Variants in SLC16A9 observed in about 807,000 individuals in gnomAD.
SLC16A9 encodes the protein solute carrier family 16 member 9, also known as monocarboxylate transporter 9.
A neutral mutation model predicts 44.3 loss-of-function variants in SLC16A9; 26 were observed. The ratio of observed to expected loss-of-function variants is 0.59; its 90% CI spans 0.43 to 0.81. The LOEUF is 0.81. Among genes scored for constraint, SLC16A9 ranks in the 40% least tolerant of loss-of-function variants. SLC16A9 has a pLI of 0.00. For synonymous variants in SLC16A9, 230 were observed against 225.1 expected (o/e 1.02, Z -0.19); for missense variants, 559 against 595.8 (o/e 0.94, Z 0.64).
intron 2 of SLC16A9, among the ~76,000 whole-genome samples, chr10:59,682,836 G>A (rs1191042610): frequency 6.6e-6 from 1 of 151,768 alleles, no homozygotes; most frequent in Non-Finnish European, 1.5e-5. Context: ...AACAAATCTA[G>A]GGCAAACGTT....
intron 1 of SLC16A9, among the ~76,000 whole-genome samples, chr10:59,709,019 G>A (rs1840705484): frequency 6.6e-6 from 1 of 152,184 alleles, no homozygotes. Flanking sequence ...CCAACCCTCC[G>A]GGGGCACCTG....
intron 2 of SLC16A9, among the ~76,000 whole-genome samples, chr10:59,676,603 GT>G (rs1189182684): frequency 6.6e-6 from 1 of 152,092 alleles, no homozygotes; most frequent in Non-Finnish European, 1.5e-5. Flanking sequence ...GGTTCCTAAT[GT>G]TTTATTTTCA....
At chr10:59,690,755 A>G (rs1478775595) in intron 1 of SLC16A9, among the ~76,000 whole-genome samples, 1 of 152,144 alleles carries the variant, frequency 6.6e-6, no homozygotes, top group East Asian at 1.9e-4. Flanking sequence ...TGTAGAATTA[A>G]TCATTTATAT....
intron 5 of SLC16A9, 21 bp from the exon 6 acceptor site, chr10:59,652,971 A>C: frequency 6.3e-7 from 1 of 1,588,318 alleles, no homozygotes; most frequent in Non-Finnish European, 8.6e-7. Flanking sequence ...AGTAAGAAAA[A>C]AAGTAAGTTT....
chr10:59,705,888 G>C (rs558648085), intron 1 of SLC16A9, among the ~76,000 whole-genome samples: 2 of 152,050 alleles, frequency 1.3e-5, no homozygotes, highest in Non-Finnish European at 1.5e-5. Flanking sequence ...TAATTTCTTA[G>C]CATGACATGT....
At position 59,653,837 on chromosome 10, in the gene SLC16A9, T is replaced by C; in HGVS notation, c.1189A>G (p.Thr397Ala). 2 of 1,614,182 alleles carry C rather than the reference T, an allele frequency of 1.2e-6. No individual in the cohort carries two copies. The highest frequency in any genetic ancestry group is 2.2e-5 in the South Asian group (2 of 91,086). Residue 397 changes from threonine (T) to alanine (A), a missense_variant, in exon 5 of 6, where the codon ACA (threonine) becomes GCA (alanine). By Grantham distance (58) the Thr-to-Ala change is moderately conservative (BLOSUM62 0). Transcript: ENST00000395348. The stretch of plus-strand genomic sequence containing the variant: ...AGGATCCCAGAAAGCAACGCCAATG[T>C]GACATAGCTTTTGGCAAATGGAATT... ...CAIPFAKSYV[T>A]LALLSGILGF...
chr10:59,661,637 G>GA (rs1839477370), intron 4 of SLC16A9, among the ~76,000 whole-genome samples: 1 of 151,932 alleles, frequency 6.6e-6, no homozygotes, highest in Non-Finnish European at 1.5e-5. Flanking sequence ...CACAGAATTG[G>GA]AAAAAAACTA....
rs542544270 is a variant in SLC16A9, at chr10:59,666,364, C to T, written c.341-2042G>A. On this transcript the variant is annotated intron_variant, in intron 3 of 5. Coordinates refer to ENST00000395348, the MANE Select transcript of SLC16A9 (RefSeq NM_194298.3). ...ATTCCTCTCTTCATCTGCATCAGGA[C>T]AACCTTAAATCAGCAGTTGTTAAAG... 4.0e-5 allele frequency among the ~76,000 whole-genome samples: 6 copies of T among 151,490 alleles called. No homozygotes were observed. In the South Asian group the frequency reaches 1.3e-3, roughly 32 times the overall value.
chr10:59,658,718 C>T (rs1438464438), intron 4 of SLC16A9, among the ~76,000 whole-genome samples: 1 of 152,180 alleles, frequency 6.6e-6, no homozygotes, highest in Admixed American at 6.5e-5. Flanking sequence ...TTTTTGCATC[C>T]CTTCTCCCAT....
At chr10:59,653,246 C>G (rs543661622) in intron 5 of SLC16A9, among the ~76,000 whole-genome samples, 3 of 149,572 alleles carry the variant, frequency 2.0e-5, no homozygotes, top group Admixed American at 6.6e-5. Flanking sequence ...GGTGAAACCC[C>G]GTCTCTACTA....
chr10:59,702,913 T>TAA (rs1362638703), intron 1 of SLC16A9, among the ~76,000 whole-genome samples: 3 of 152,236 alleles, frequency 2.0e-5, no homozygotes, highest in African/African-American at 7.2e-5. Context: ...ATTGCCAGGT[T>TAA]AAAGACAATG....
At chr10:59,653,028 T>G (rs1337568004) in intron 5 of SLC16A9, 78 bp from the exon 6 acceptor site, 1 of 1,111,202 alleles carries the variant, frequency 9.0e-7, no homozygotes, top group Admixed American at 2.7e-5. Flanking sequence ...TTATATCAGT[T>G]TTATATATAG....
chr10:59,656,219 C>G (rs1245499903), intron 4 of SLC16A9, among the ~76,000 whole-genome samples: 1 of 152,150 alleles, frequency 6.6e-6, no homozygotes, highest in African/African-American at 2.4e-5. Flanking sequence ...AAAAACGCTA[C>G]AGAAAACACA....
At position 59,672,814 on chromosome 10, in the gene SLC16A9, G is replaced by A. The variant is rs1490354229; in HGVS notation, c.296C>T (p.Ala99Val). ...VAGGLMLSSF[A>V]PNIYFLFFSY... ...AAAAAACAGAAAGTAGATATTGGGA[G>A]CAAAACTGCTCAACATCAGGCCTCC... Residue 99 changes from alanine (A) to valine (V), a missense_variant, in exon 3 of 6, where the codon GCT becomes GTT. Physicochemically the swap from Ala to Val is moderately conservative, Grantham distance 64 (BLOSUM62 0). Transcript: ENST00000395348. 6.2e-7 allele frequency: 1 copy of A among 1,613,646 alleles called. No individual in the cohort carries two copies. Among genetic ancestry groups the A allele is most frequent in the Admixed American group, 1.7e-5 (1 of 59,940 alleles).
At chr10:59,698,320 A>G (rs925558522) in intron 1 of SLC16A9, among the ~76,000 whole-genome samples, 1 of 152,204 alleles carries the variant, frequency 6.6e-6, no homozygotes, top group Non-Finnish European at 1.5e-5. Context: ...AGGAAGACCA[A>G]AGGAATGTAC....
intron 5 of SLC16A9, among the ~76,000 whole-genome samples, chr10:59,653,216 G>A (rs761508747): frequency 1.7e-4 from 26 of 151,062 alleles, no homozygotes; most frequent in Non-Finnish European, 3.1e-4. Flanking sequence ...TCAGGAGATG[G>A]AGACCATCCT....
chr10:59,665,772 C>A (rs1193958563), intron 3 of SLC16A9, among the ~76,000 whole-genome samples: 1 of 152,016 alleles, frequency 6.6e-6, no homozygotes, highest in Non-Finnish European at 1.5e-5. Context: ...TCCGTGATTT[C>A]GTTGTCAGAG....
chr10:59,697,914 T>C (rs1055390641), intron 1 of SLC16A9, among the ~76,000 whole-genome samples: 4 of 142,412 alleles, frequency 2.8e-5, no homozygotes, highest in East Asian at 4.0e-4. Flanking sequence ...ATTTGTAAAA[T>C]AGGATAAGAG....
At chr10:59,685,576 G>A (rs1840113158) in intron 1 of SLC16A9, among the ~76,000 whole-genome samples, 1 of 152,160 alleles carries the variant, frequency 6.6e-6, no homozygotes, top group Admixed American at 6.5e-5. Flanking sequence ...AATGCATACT[G>A]ACCTTCCTTA....
Sources: gnomAD v4.1 joint callset for allele counts (sites outside exome capture counted in the v4.1 genomes callset) on GRCh38, gnomAD v4.1.1 for gene constraint, MANE v1.5 for transcripts, NCBI Gene and HGNC (gene_info 2026-07-23, HGNC 2026-07-21) for gene names.